The following EZH1 variants were observed in gnomAD, a reference collection of about 807,000 sequenced individuals.
The protein encoded by EZH1 is enhancer of zeste 1 polycomb repressive complex 2 subunit, also known as histone-lysine N-methyltransferase EZH1.
A neutral mutation model predicts 100.5 loss-of-function variants in EZH1; 33 were observed. That is an observed-to-expected ratio of 0.33 (90% CI 0.25 to 0.44). EZH1 has a LOEUF of 0.44. EZH1 is among the 20% of genes least tolerant of loss of function. EZH1 has a pLI of 1.00. For missense variants in EZH1, 475 were observed against 928.4 expected (o/e 0.51, Z 6.35); for synonymous variants, 272 against 313.8 (o/e 0.87, Z 1.41).
intron 16 of EZH1, 107 bp downstream of exon 16, chr17:42,705,900 T>G: frequency 8.6e-7 from 1 of 1,165,030 alleles, no homozygotes; most frequent in Non-Finnish European, 1.2e-6. Flanking sequence ...TATCAAGCAC[T>G]TTCACATATA....
In EZH1 at chr17:42,702,934, A is replaced by C; in HGVS notation, c.2126T>G (p.Ile709Ser). Residue 709 changes from isoleucine (I) to serine (S), a missense_variant, in exon 20 of 21, where the codon ATT becomes AGT. This residue lies in a region of EZH1 where 49 missense variants were observed against 164.2 expected (regional missense o/e 0.30). Coordinates refer to ENST00000428826, the MANE Select transcript of EZH1 (RefSeq NM_001991.5). ...AATTGCCCTCTTGGCAAAGATCCCA[A>C]TCCGATGGTCTCCATTCACCATGAC... ...KVVMVNGDHR[I>S]GIFAKRAIQA... is the part of the protein sequence containing the mutation. 6.2e-7 allele frequency: 1 copy of C among 1,613,990 alleles called. No individual in the cohort carries two copies. The highest frequency in any genetic ancestry group is 8.5e-7 in the Non-Finnish European group (1 of 1,179,978).
chr17:42,720,644 A>G (rs960108370), intron 6 of EZH1, among the ~76,000 whole-genome samples, 195 bp from the exon 7 acceptor site: 2 of 152,152 alleles, frequency 1.3e-5, no homozygotes, highest in African/African-American at 4.8e-5. Flanking sequence ...GTAGGAATAC[A>G]GCTATAGGCT....
At chr17:42,725,942 G>A (rs1354958254) in intron 4 of EZH1, among the ~76,000 whole-genome samples, 2 of 150,730 alleles carry the variant, frequency 1.3e-5, no homozygotes, top group African/African-American at 2.4e-5. Flanking sequence ...GCAGTTGCAC[G>A]ATCTTGGCTC....
intron 1 of EZH1, among the ~76,000 whole-genome samples, chr17:42,734,386 A>G (rs1004387483): frequency 6.6e-6 from 1 of 152,112 alleles, no homozygotes; most frequent in African/African-American, 2.4e-5. Context: ...CCTTTTTGGC[A>G]TTCATTTTCC....
At position 42,707,033 on chromosome 17, in the gene EZH1, C is replaced by G. The variant is rs963160165; in HGVS notation, c.1661-848G>C. On this transcript the variant is annotated intron_variant, in intron 15 of 20. Transcript: ENST00000428826. ...TGGGGACTGCCATCAAACTGCTCAG[C>G]TTTGAGTTGGGAAGGGCATGGTGGG... Among the ~76,000 whole-genome samples, 5 of 152,042 alleles carry G rather than the reference C, an allele frequency of 3.3e-5. No individual in the cohort carries two copies. In the East Asian group the frequency reaches 9.7e-4, roughly 29 times the overall value.
At chr17:42,737,764 A>G (rs999957313) in intron 1 of EZH1, among the ~76,000 whole-genome samples, 2 of 152,210 alleles carry the variant, frequency 1.3e-5, no homozygotes, top group African/African-American at 4.8e-5. Flanking sequence ...AAGCTATAAA[A>G]ATGTAGCAAT....
At chr17:42,729,756 A>T (rs1299336442) in intron 2 of EZH1, among the ~76,000 whole-genome samples, 1 of 138,932 alleles carries the variant, frequency 7.2e-6, no homozygotes, top group East Asian at 2.2e-4. Context: ...AAAAAAAAAA[A>T]AGTCCGGGCA....
intron 1 of EZH1, among the ~76,000 whole-genome samples, chr17:42,737,407 C>G (rs1296384128): frequency 6.6e-6 from 1 of 152,142 alleles, no homozygotes; most frequent in East Asian, 1.9e-4. Context: ...TCGAGACCAG[C>G]CTGGACAACA....
intron 10 of EZH1, among the ~76,000 whole-genome samples, chr17:42,713,888 A>G (rs767442911): frequency 6.6e-5 from 10 of 152,216 alleles, no homozygotes; most frequent in Admixed American, 1.3e-4. Context: ...CTATGGATGA[A>G]GAAATGAGAT....
intron 1 of EZH1, among the ~76,000 whole-genome samples, chr17:42,743,183 T>A (rs1447766355): frequency 6.6e-6 from 1 of 150,658 alleles, no homozygotes; most frequent in Non-Finnish European, 1.5e-5. Context: ...TTTTTTTTTT[T>A]TTTTTTTGAC....
At chr17:42,703,176 GT>G (rs1820765022) in intron 19 of EZH1, 1 of 508,802 alleles carries the variant, frequency 2.0e-6, no homozygotes, top group African/African-American at 1.9e-5. Flanking sequence ...TTTTTGTTTT[GT>G]TTTGTTTTGT....
intron 1 of EZH1, among the ~76,000 whole-genome samples, chr17:42,732,700 C>T (rs1035140456): frequency 6.6e-6 from 1 of 152,110 alleles, no homozygotes; most frequent in African/African-American, 2.4e-5. Context: ...CCCCAGGGGG[C>T]GGAGCCTGCA....
In EZH1 at chr17:42,702,765, G is replaced by A. The variant is rs909724543; in HGVS notation, c.2183+112C>T. ...AACAAGGGACACAGCCTTATTCACC[G>A]GGAGACTCTCTCCTCCATCTCCATT... is the stretch of plus-strand genomic sequence containing the variant. On this transcript the variant is annotated intron_variant, in intron 20 of 20. Coordinates refer to ENST00000428826, the MANE Select transcript of EZH1 (RefSeq NM_001991.5). 19 of 1,314,092 alleles carry A rather than the reference G, an allele frequency of 1.4e-5. No homozygotes were observed. The African/African-American group carries it at 1.9e-4, about 13-fold the overall frequency. The allele number at this position is 1,314,092 out of a possible 1,614,324, so 81.4% of individuals were successfully genotyped here.
At chr17:42,711,982 C>T (rs2053492891) in intron 12 of EZH1, among the ~76,000 whole-genome samples, 1 of 152,020 alleles carries the variant, frequency 6.6e-6, no homozygotes. Context: ...GAAAGGGGTA[C>T]ACATTTAGAA....
intron 1 of EZH1, among the ~76,000 whole-genome samples, chr17:42,743,396 C>T (rs375410560): frequency 2.6e-5 from 4 of 151,624 alleles, no homozygotes; most frequent in African/African-American, 9.7e-5. Flanking sequence ...GTCTCAAACT[C>T]CTGGGCTCGA....
intron 1 of EZH1, among the ~76,000 whole-genome samples, chr17:42,738,387 T>C (rs886494984): frequency 2.0e-5 from 3 of 152,016 alleles, no homozygotes; most frequent in Non-Finnish European, 4.4e-5. Context: ...AAGTAAGCCT[T>C]TGGAGGCAGA....
In EZH1 at chr17:42,722,789, C is replaced by T; in HGVS notation, c.487+6G>A. ...AAATTTTCTCCAAGGAGTTCAGTAC[C>T]ACTACCTTCTTCACCATGGACTTTC... On this transcript the variant is annotated splice_donor_region_variant and intron_variant, in intron 6 of 20. Transcript: ENST00000428826. The T allele has an allele frequency of 6.2e-7, 1 of 1,612,670 alleles. No individual in the cohort carries two copies. The highest frequency in any genetic ancestry group is 8.5e-7 in the Non-Finnish European group (1 of 1,179,596).
chr17:42,704,489 A>C (rs1448737604), intron 18 of EZH1, 113 bp downstream of exon 18: 9 of 755,678 alleles, frequency 1.2e-5, no homozygotes, highest in Non-Finnish European at 1.7e-5. Context: ...TAGAGGCTAC[A>C]GTGAGCCAAG....
intron 13 of EZH1, chr17:42,709,238 G>A (rs1222303357): frequency 3.4e-6 from 1 of 295,900 alleles, no homozygotes; most frequent in Non-Finnish European, 6.4e-6. Flanking sequence ...CTCTCCCTTT[G>A]TCTTTGTGGA....
Sources: gnomAD v4.1 joint callset for allele counts (sites outside exome capture counted in the v4.1 genomes callset) on GRCh38, gnomAD v4.1.1 for gene constraint, gnomAD v4.1.1 regional missense constraint, MANE v1.5 for transcripts, NCBI Gene and HGNC (gene_info 2026-07-23, HGNC 2026-07-21) for gene names.